The following ASB18 variants were observed in gnomAD, a reference collection of about 807,000 sequenced individuals.
ASB18 encodes the protein ankyrin repeat and SOCS box containing 18.
ASB18 carries 33 observed loss-of-function variants against 33.4 expected under a neutral mutation model. The observed-to-expected ratio is 0.99, with a 90% CI of 0.75 to 1.32. The LOEUF (loss-of-function observed/expected upper bound fraction) is 1.32. Ranked by LOEUF, ASB18 falls within the 40% of genes most tolerant of loss-of-function variation. The pLI, the probability that ASB18 is intolerant of heterozygous loss-of-function variation, is 0.00. For missense variants in ASB18, 694 were observed against 655.5 expected (o/e 1.06, Z -0.64); for synonymous variants, 295 against 307.6 (o/e 0.96, Z 0.43).
Position 236,249,400 on chromosome 2 carries a change from C to G in ASB18, c.206-7998G>C, listed in dbSNP as rs2060659217. On this transcript the variant is annotated intron_variant, in intron 1 of 5. Coordinates refer to ENST00000409749, the MANE Select transcript of ASB18 (RefSeq NM_212556.4). The surrounding 1 kb of genome is among the most constrained non-coding windows in gnomAD (Gnocchi z 4.6). ...AATCACACTGAGGATGTGAAGGGGT[C>G]TGTCACAGTTTGCACAGCCTTATTC... 6.6e-6 allele frequency: 1 copy of G among 152,320 alleles called. No homozygotes were observed. The highest frequency in any genetic ancestry group is 2.4e-5 in the African/African-American group (1 of 41,560). 9.4% of individuals were successfully genotyped at this position (152,320 alleles called of 1,614,324 possible).
rs920819683 is a variant in ASB18 at position 236,200,670 on chromosome 2, G to A, written c.1102-4285C>T. The stretch of plus-strand genomic sequence containing the variant: ...GGCTATACCCAGCTGGAAGGCAGAG[G>A]GCCGAGAGCTGTAGAATGAGGTCCA... On this transcript the variant is annotated intron_variant, in intron 4 of 5. Transcript: ENST00000409749. This position sits in a 1 kb window ranked among gnomAD's most constrained non-coding sequence, Gnocchi z 4.2. Among the ~76,000 whole-genome samples the A allele has an allele frequency of 6.6e-6, 1 of 152,194 alleles. No individual in the cohort carries two copies. The highest frequency in any genetic ancestry group is 1.5e-5 in the Non-Finnish European group (1 of 68,042).
In ASB18 at chr2:236,245,719, T is replaced by C. The variant is rs966334749; in HGVS notation, c.206-4317A>G. Among the ~76,000 whole-genome samples the C allele has an allele frequency of 3.9e-5, 6 of 152,036 alleles. No homozygotes were observed. The highest frequency in any genetic ancestry group is 1.4e-4 in the African/African-American group (6 of 41,408). ...TCCTTGTCTGTGTCCCACTTCACCA[T>C]GAGCTTTTTTGGAGGACGGTGGGGG... On this transcript the variant is annotated intron_variant, in intron 1 of 5. Transcript: ENST00000409749. This position sits in a 1 kb window ranked among gnomAD's most constrained non-coding sequence, Gnocchi z 4.7.
In ASB18 at chr2:236,235,196, A is replaced by G. The variant is rs772602275; in HGVS notation, c.596+2493T>C. 1.3e-5 allele frequency among the ~76,000 whole-genome samples: 2 copies of G among 152,238 alleles called. No individual in the cohort carries two copies. Among genetic ancestry groups the G allele is most frequent in the Non-Finnish European group, 2.9e-5 (2 of 68,040 alleles). On this transcript the variant is annotated intron_variant, in intron 3 of 5. Coordinates refer to ENST00000409749, the MANE Select transcript of ASB18 (RefSeq NM_212556.4). This position sits in a 1 kb window ranked among gnomAD's most constrained non-coding sequence, Gnocchi z 6.2. ...CTTATAACAATGGTTTTGGTCAACAACAGACCACATATACAATAGTGGTCC... is the reference window on the plus strand; with the variant it reads ...CTTATAACAATGGTTTTGGTCAACAGCAGACCACATATACAATAGTGGTCC...
intron 3 of ASB18, among the ~76,000 whole-genome samples, chr2:236,227,362 C>G (rs1370341602): frequency 6.6e-6 from 1 of 152,140 alleles, no homozygotes; most frequent in Non-Finnish European, 1.5e-5. Context: ...AAAAGAAATA[C>G]AGTGATTAGA....
chr2:236,238,030 C>A lies in ASB18; in HGVS notation c.329-74G>T. 1 of 1,313,658 alleles carries A rather than the reference C, an allele frequency of 7.6e-7. No homozygotes were observed. The highest frequency in any genetic ancestry group is 1.6e-5 in the African/African-American group (1 of 64,054). 81.4% of individuals were successfully genotyped at this position (1,313,658 alleles called of 1,614,324 possible). On this transcript the variant is annotated intron_variant, in intron 2 of 5. Coordinates refer to ENST00000409749, the MANE Select transcript of ASB18 (RefSeq NM_212556.4). The surrounding 1 kb of genome is among the most constrained non-coding windows in gnomAD (Gnocchi z 5.2). ...TGGTGGTGGGCGGTGTTCCTTAAGG[C>A]GGAAAGAAAGTGAAGCCGTCTCTTA...
In ASB18 at chr2:236,208,068, T is replaced by G. The variant is rs996257621; in HGVS notation, c.1101+6294A>C. ...CATATCGACATCATAAGAGCTATTA[T>G]CGGTGGTCCCCTCCCCATGCCCAAT... On this transcript the variant is annotated intron_variant, in intron 4 of 5. Coordinates refer to ENST00000409749, the MANE Select transcript of ASB18 (RefSeq NM_212556.4). This position sits in a 1 kb window ranked among gnomAD's most constrained non-coding sequence, Gnocchi z 7.7. Among the ~76,000 whole-genome samples the G allele has an allele frequency of 5.3e-5, 8 of 152,160 alleles. No individual in the cohort carries two copies. The highest frequency in any genetic ancestry group is 4.2e-4 in the South Asian group (2 of 4,810).
chr2:236,220,942 G>A lies in ASB18; in HGVS notation c.597-6076C>T, dbSNP rs1275531226. On this transcript the variant is annotated intron_variant, in intron 3 of 5. Coordinates refer to ENST00000409749, the MANE Select transcript of ASB18 (RefSeq NM_212556.4). The surrounding 1 kb of genome is among the most constrained non-coding windows in gnomAD (Gnocchi z 5.1). ...ACAGACTCACCGACAGGACACTGAA[G>A]GCAGGGCAAGGCGACCCATGGACCT... Among the ~76,000 whole-genome samples the A allele has an allele frequency of 2.6e-5, 4 of 152,158 alleles. No homozygotes were observed. Among genetic ancestry groups the A allele is most frequent in the Non-Finnish European group, 4.4e-5 (3 of 68,044 alleles).
At chr2:236,207,324 C>T (rs2106265780) in intron 4 of ASB18, among the ~76,000 whole-genome samples, 1 of 152,306 alleles carries the variant, frequency 6.6e-6, no homozygotes, top group African/African-American at 2.4e-5. Context: ...TAACTATCTC[C>T]TCCATCTTCC....
chr2:236,261,494 T>C (rs930348927), intron 1 of ASB18, among the ~76,000 whole-genome samples: 2 of 152,212 alleles, frequency 1.3e-5, no homozygotes, highest in Non-Finnish European at 2.9e-5. Flanking sequence ...AAGTCCAGCC[T>C]GCTTTCTCTG....
Position 236,244,627 on chromosome 2 carries a change from G to A in ASB18, c.206-3225C>T, listed in dbSNP as rs936281998. Among the ~76,000 whole-genome samples, 4 of 151,646 alleles carry A rather than the reference G, an allele frequency of 2.6e-5. No homozygotes were observed. The highest frequency in any genetic ancestry group is 5.9e-5 in the Non-Finnish European group (4 of 67,954). On this transcript the variant is annotated intron_variant, in intron 1 of 5. Transcript: ENST00000409749. The surrounding 1 kb of genome is among the most constrained non-coding windows in gnomAD (Gnocchi z 6.1). ...TGACTCCCCCTACCCCTCGTCAAGT[G>A]CCCCCCGACCTCTGAGTGCCCAACC...
At chr2:236,212,708 T>A (rs1192340029) in intron 4 of ASB18, among the ~76,000 whole-genome samples, 1 of 152,206 alleles carries the variant, frequency 6.6e-6, no homozygotes, top group Non-Finnish European at 1.5e-5. Flanking sequence ...CACTGCAGCC[T>A]CCACATCCTG....
rs1306557538 is a variant in ASB18, at chr2:236,229,041, GA to G, written c.596+8647del. Among the ~76,000 whole-genome samples, 10 of 152,146 alleles carry G rather than the reference GA, an allele frequency of 6.6e-5. No individual in the cohort carries two copies. The highest frequency in any genetic ancestry group is 1.5e-4 in the Non-Finnish European group (10 of 68,016). On this transcript the variant is annotated intron_variant, in intron 3 of 5. Transcript: ENST00000409749. This position sits in a 1 kb window ranked among gnomAD's most constrained non-coding sequence, Gnocchi z 5.2. ...GAGAATCATTTGAAACTAGGAGTTT[GA>G]GACCATCCTGGGCAGCAAAACAAGA...
intron 4 of ASB18, among the ~76,000 whole-genome samples, chr2:236,199,433 A>G (rs2060388659): frequency 6.6e-6 from 1 of 150,390 alleles, no homozygotes; most frequent in African/African-American, 2.4e-5. Context: ...AAAAAAGAAA[A>G]AGATTTTCCA....
At position 236,209,564 on chromosome 2, in the gene ASB18, T is replaced by C. The variant is rs2060449533; in HGVS notation, c.1101+4798A>G. Reference sequence around the variant, plus strand: ...TAGGCGTGAGCTATTGCCTCTGGCCTAGAATCTGTTATTCTTGCACCAACC... The same window carrying C: ...TAGGCGTGAGCTATTGCCTCTGGCCCAGAATCTGTTATTCTTGCACCAACC... On this transcript the variant is annotated intron_variant, in intron 4 of 5. Transcript: ENST00000409749. The surrounding 1 kb of genome is among the most constrained non-coding windows in gnomAD (Gnocchi z 4.4). Among the ~76,000 whole-genome samples, 1 of 152,334 alleles carries C rather than the reference T, an allele frequency of 6.6e-6. No individual in the cohort carries two copies. Among genetic ancestry groups the C allele is most frequent in the East Asian group, 1.9e-4 (1 of 5,186 alleles).
At position 236,194,035 on chromosome 2, in the gene ASB18, G is replaced by A. The variant is rs1175656149; in HGVS notation, c.*837C>T. ...AGTTGCTGGGGTGGACTCTGGCCAC[G>A]CACGACCCTGAACTAGAATAAGCAC... On this transcript the variant is annotated 3_prime_UTR_variant, in exon 6 of 6. Transcript: ENST00000409749. This position sits in a 1 kb window ranked among gnomAD's most constrained non-coding sequence, Gnocchi z 4.5. 2.0e-5 allele frequency among the ~76,000 whole-genome samples: 3 copies of A among 152,062 alleles called. No individual in the cohort carries two copies. Among genetic ancestry groups the A allele is most frequent in the Admixed American group, 6.5e-5 (1 of 15,276 alleles).
At position 236,253,092 on chromosome 2, in the gene ASB18, T is replaced by A. The variant is rs1424945320; in HGVS notation, c.205+11049A>T. 6.6e-6 allele frequency among the ~76,000 whole-genome samples: 1 copy of A among 152,158 alleles called. No individual in the cohort carries two copies. Among genetic ancestry groups the A allele is most frequent in the Non-Finnish European group, 1.5e-5 (1 of 67,994 alleles). ...CCTCGCCAGCCTGGCTTTCTAGATG[T>A]TGATCCTAGGAAGTTTCCTGCCAAA... On this transcript the variant is annotated intron_variant, in intron 1 of 5. Transcript: ENST00000409749. This position sits in a 1 kb window ranked among gnomAD's most constrained non-coding sequence, Gnocchi z 5.4.
rs188667367 is a variant in ASB18 at position 236,235,749 on chromosome 2, C to T, written c.596+1940G>A. ...GAGACAGGGTCTCAACTCTGTCACCCAGGCTGGAGTGCAGTGGCGTGAACA... is the reference window on the plus strand; with the variant it reads ...GAGACAGGGTCTCAACTCTGTCACCTAGGCTGGAGTGCAGTGGCGTGAACA... On this transcript the variant is annotated intron_variant, in intron 3 of 5. Coordinates refer to ENST00000409749, the MANE Select transcript of ASB18 (RefSeq NM_212556.4). This position sits in a 1 kb window ranked among gnomAD's most constrained non-coding sequence, Gnocchi z 6.2. 4.0e-3 allele frequency among the ~76,000 whole-genome samples: 616 copies of T among 152,350 alleles called. 4 individuals carry two copies. Among genetic ancestry groups the T allele is most frequent in the African/African-American group, 0.013 (551 of 41,586 alleles).
rs2060621717 is a variant in ASB18, at chr2:236,241,643, A to G, written c.206-241T>C. The G allele has an allele frequency of 4.8e-6, 3 of 630,690 alleles. No individual in the cohort carries two copies. The Admixed American group carries it at 7.5e-5, about 16-fold the overall frequency. 39.1% of individuals were successfully genotyped at this position (630,690 alleles called of 1,614,324 possible). ...GTTGGGGCTCGATGGTGGTATATTT[A>G]TAACTCCTGTGGGCTCCGATGTGAT... On this transcript the variant is annotated intron_variant, in intron 1 of 5. Coordinates refer to ENST00000409749, the MANE Select transcript of ASB18 (RefSeq NM_212556.4). The surrounding 1 kb of genome is among the most constrained non-coding windows in gnomAD (Gnocchi z 4.2).
chr2:236,264,174 G>T lies in ASB18; in HGVS notation c.172C>A (p.Pro58Thr). 1 of 1,613,790 alleles carries T rather than the reference G, an allele frequency of 6.2e-7. No homozygotes were observed. Among genetic ancestry groups the T allele is most frequent in the Non-Finnish European group, 8.5e-7 (1 of 1,179,856 alleles). ...ATGCCGGTGGGCAGCTGAGCCGAGG[G>T]GTCTTTCATCCAGTCGTCATTGGCC... ...ELANDDWMKD[P>T]SAQLPTGMLL... Residue 58 changes from proline (P) to threonine (T), a missense_variant, in exon 1 of 6, where the codon CCC becomes ACC. Transcript: ENST00000409749. The surrounding 1 kb of genome is among the most constrained non-coding windows in gnomAD (Gnocchi z 5.1).
Sources: gnomAD v4.1 joint callset for allele counts (sites outside exome capture counted in the v4.1 genomes callset) on GRCh38, gnomAD v4.1.1 for gene constraint, Gnocchi (gnomAD v3.1) non-coding constraint, MANE v1.5 for transcripts, NCBI Gene and HGNC (gene_info 2026-07-23, HGNC 2026-07-21) for gene names.